Variants in CREB3L2 observed in about 807,000 individuals in gnomAD.
The protein encoded by CREB3L2 is cAMP responsive element binding protein 3 like 2.
A neutral mutation model predicts 57.2 loss-of-function variants in CREB3L2; 23 were observed. The observed-to-expected ratio is 0.40, with a 90% confidence interval of 0.29 to 0.57. The LOEUF is 0.57. Ranked by LOEUF, CREB3L2 falls within the 20% of genes least tolerant of loss-of-function variation. The probability of loss-of-function intolerance (pLI) is 0.42; values close to 1 mark genes in which losing one functional copy is unlikely to be tolerated. For synonymous variants in CREB3L2, 268 were observed against 265.1 expected (o/e 1.01, Z -0.11); for missense variants, 628 against 634.7 (o/e 0.99, Z 0.11).
At chr7:137,992,901 G>C (rs539887613) in intron 1 of CREB3L2, among the ~76,000 whole-genome samples, 1 of 152,342 alleles carries the variant, frequency 6.6e-6, no homozygotes, top group African/African-American at 2.4e-5. Context: ...GACCCAGCGG[G>C]CAGAGGATAC....
intron 5 of CREB3L2, among the ~76,000 whole-genome samples, chr7:137,906,387 G>A (rs749577750): frequency 6.6e-6 from 1 of 152,198 alleles, no homozygotes; most frequent in Non-Finnish European, 1.5e-5. Flanking sequence ...GTCTCAGAAT[G>A]TCCATCAACA....
At chr7:137,940,651 C>T (rs993835927) in intron 1 of CREB3L2, among the ~76,000 whole-genome samples, 20 of 152,174 alleles carry the variant, frequency 1.3e-4, no homozygotes, top group African/African-American at 4.1e-4. Context: ...CTGAACAGAA[C>T]GTGCATGTTG....
intron 1 of CREB3L2, among the ~76,000 whole-genome samples, chr7:137,962,646 C>G (rs1801345287): frequency 6.6e-6 from 1 of 152,106 alleles, no homozygotes; most frequent in Non-Finnish European, 1.5e-5. Flanking sequence ...CTCCCACCCC[C>G]CACCAGCATT....
At chr7:137,907,338 G>C (rs1230758480) in intron 5 of CREB3L2, among the ~76,000 whole-genome samples, 1 of 152,164 alleles carries the variant, frequency 6.6e-6, no homozygotes, top group Non-Finnish European at 1.5e-5. Context: ...AGAATGGACA[G>C]ATCATAGTAG....
At chr7:137,903,528 G>C (rs1014730194) in intron 7 of CREB3L2, among the ~76,000 whole-genome samples, 1 of 152,126 alleles carries the variant, frequency 6.6e-6, no homozygotes, top group African/African-American at 2.4e-5. Context: ...GAAAATAAAG[G>C]CTGCCAACCT....
In CREB3L2 at chr7:137,957,341, C is replaced by G. The variant is rs915039682; in HGVS notation, c.103-28975G>C. On this transcript the variant is annotated intron_variant, in intron 1 of 11. Transcript: ENST00000330387. ...CTTACTTTCTGCATTTTTTTTAAAC[C>G]TATTTCTCTCTCTTCAAAGATGTGA... Among the ~76,000 whole-genome samples, 11 of 152,048 alleles carry G rather than the reference C, an allele frequency of 7.2e-5. No individual in the cohort carries two copies. The South Asian group carries it at 1.7e-3, about 23-fold the overall frequency.
At chr7:137,912,833 G>T in intron 4 of CREB3L2, 158 bp downstream of exon 4, 1 of 1,523,538 alleles carries the variant, frequency 6.6e-7, no homozygotes, top group Non-Finnish European at 8.8e-7. Flanking sequence ...ATTTTTATTT[G>T]GAAGCAAAAT....
intron 11 of CREB3L2, among the ~76,000 whole-genome samples, chr7:137,881,671 G>A (rs1340015872): frequency 1.3e-5 from 2 of 152,180 alleles, no homozygotes; most frequent in Non-Finnish European, 2.9e-5. Flanking sequence ...ATTTCTGGGA[G>A]GCATAGGAGC....
intron 2 of CREB3L2, among the ~76,000 whole-genome samples, chr7:137,923,907 T>C (rs1800389339): frequency 6.6e-6 from 1 of 152,202 alleles, no homozygotes; most frequent in African/African-American, 2.4e-5. Flanking sequence ...TGATCCTATG[T>C]TTCTCAGTCC....
chr7:137,890,059 T>A (rs1428546963), intron 8 of CREB3L2, among the ~76,000 whole-genome samples: 1 of 152,190 alleles, frequency 6.6e-6, no homozygotes, highest in East Asian at 1.9e-4. Flanking sequence ...TCCAGTAACA[T>A]TAATATTATG....
rs1176546452 is a variant in CREB3L2, at chr7:137,980,793, C to T, written c.102+20811G>A. Among the ~76,000 whole-genome samples the T allele has an allele frequency of 6.6e-6, 1 of 152,196 alleles. No individual in the cohort carries two copies. The highest frequency in any genetic ancestry group is 1.5e-5 in the Non-Finnish European group (1 of 68,026). On this transcript the variant is annotated intron_variant, in intron 1 of 11. Transcript: ENST00000330387. The surrounding 1 kb of genome is among the most constrained non-coding windows in gnomAD (Gnocchi z 4.3). ...TTTCCACTGGCCATCAATAAAATTC[C>T]TCATTAATTTCTAAGAGTGACCAGC...
At chr7:137,983,553 C>T (rs762517949) in intron 1 of CREB3L2, among the ~76,000 whole-genome samples, 1 of 152,228 alleles carries the variant, frequency 6.6e-6, no homozygotes, top group Non-Finnish European at 1.5e-5. Context: ...TGTTAAATTG[C>T]TCCAACCAGG....
At chr7:137,994,534 C>G (rs1482334602) in intron 1 of CREB3L2, among the ~76,000 whole-genome samples, 2 of 152,156 alleles carry the variant, frequency 1.3e-5, no homozygotes, top group Non-Finnish European at 1.5e-5. Flanking sequence ...AAGACATAGC[C>G]ATAATCTCCT....
chr7:137,934,753 T>C (rs1466015051), intron 1 of CREB3L2, among the ~76,000 whole-genome samples: 1 of 152,220 alleles, frequency 6.6e-6, no homozygotes, highest in Non-Finnish European at 1.5e-5. Context: ...AGGATGGAGA[T>C]ACTTATTCGG....
intron 1 of CREB3L2, among the ~76,000 whole-genome samples, chr7:137,951,737 C>T (rs1456851191): frequency 4.6e-5 from 7 of 152,192 alleles, no homozygotes; most frequent in Non-Finnish European, 4.4e-5. Context: ...AACCCCTGCA[C>T]TCTGGGAGGT....
intron 2 of CREB3L2, chr7:137,922,449 TATATACACAC>T (rs1800343564): frequency 2.0e-5 from 2 of 102,274 alleles, no homozygotes; most frequent in African/African-American, 1.7e-4. Context: ...TATATATATA[TATATACACAC>T]ATATATATAT....
intron 2 of CREB3L2, among the ~76,000 whole-genome samples, chr7:137,922,432 ATATACGTATATAT>A (rs1800336851): frequency 1.9e-5 from 1 of 52,218 alleles, no homozygotes; most frequent in Admixed American, 2.7e-4. Context: ...ATATATATAT[ATATACGTATATAT>A]ATATATATAC....
intron 8 of CREB3L2, among the ~76,000 whole-genome samples, chr7:137,888,283 T>C (rs1325196948): frequency 1.3e-5 from 2 of 149,464 alleles, no homozygotes; most frequent in African/African-American, 4.9e-5. Context: ...TTTAAAAGCA[T>C]TTTGTATGTT....
chr7:137,933,036 A>T (rs746468006), intron 1 of CREB3L2, among the ~76,000 whole-genome samples: 1 of 152,184 alleles, frequency 6.6e-6, no homozygotes. Context: ...GAACAGTGGC[A>T]AGGCTAAGAT....
Sources: gnomAD v4.1 joint callset for allele counts (sites outside exome capture counted in the v4.1 genomes callset) on GRCh38, gnomAD v4.1.1 for gene constraint, Gnocchi (gnomAD v3.1) non-coding constraint, MANE v1.5 for transcripts, NCBI Gene and HGNC (gene_info 2026-07-23, HGNC 2026-07-21) for gene names.